NOS1AP: variants seen among roughly 807,000 people sequenced by gnomAD.
NOS1AP encodes carboxyl-terminal PDZ ligand of neuronal nitric oxide synthase protein.
In NOS1AP, 21 loss-of-function variants were observed where a neutral mutation model predicts 56.2. The ratio of observed to expected loss-of-function variants is 0.37; its 90% CI spans 0.26 to 0.54. The LOEUF is 0.54. Among genes scored for constraint, NOS1AP ranks in the 20% least tolerant of loss-of-function variants. NOS1AP has a pLI of 0.84. For missense variants in NOS1AP, 522 were observed against 657.8 expected (o/e 0.79, Z 2.26); for synonymous variants, 270 against 274.6 (o/e 0.98, Z 0.17).
At chr1:162,087,656 T>C (rs1438699542) in intron 1 of NOS1AP, among the ~76,000 whole-genome samples, 1 of 152,186 alleles carries the variant, frequency 6.6e-6, no homozygotes, top group Admixed American at 6.5e-5. Context: ...TCCATGATTC[T>C]ATATTTGATT....
intron 8 of NOS1AP, among the ~76,000 whole-genome samples, chr1:162,362,056 C>A (rs578137572): frequency 3.3e-5 from 5 of 152,328 alleles, no homozygotes; most frequent in Admixed American, 2.6e-4. Flanking sequence ...AGTGAGTTGT[C>A]TACAACTGCC....
chr1:162,254,541 C>G (rs948579024), intron 2 of NOS1AP, among the ~76,000 whole-genome samples: 4 of 152,176 alleles, frequency 2.6e-5, no homozygotes, highest in African/African-American at 9.7e-5. Flanking sequence ...CACCACTTTG[C>G]TGGCAAACAT....
chr1:162,351,895 C>T (rs375858873), intron 6 of NOS1AP, among the ~76,000 whole-genome samples: 3 of 152,224 alleles, frequency 2.0e-5, no homozygotes, highest in East Asian at 1.9e-4. Context: ...CCCTGCCAGC[C>T]CTTCCTGAAG....
At chr1:162,359,690 C>A (rs1346488963) in intron 8 of NOS1AP, among the ~76,000 whole-genome samples, 1 of 151,394 alleles carries the variant, frequency 6.6e-6, no homozygotes, top group Admixed American at 6.6e-5. Flanking sequence ...TTGAAATAGA[C>A]CAAGTATAGC....
intron 2 of NOS1AP, among the ~76,000 whole-genome samples, chr1:162,161,935 A>G (rs1036890490): frequency 6.6e-6 from 1 of 152,184 alleles, no homozygotes; most frequent in Non-Finnish European, 1.5e-5. Context: ...CCTCTAGGGC[A>G]ATTATTATTT....
At position 162,170,916 on chromosome 1, in the gene NOS1AP, G is replaced by T. The variant is rs546570517; in HGVS notation, c.177+16440G>T. ...ATTGTGCCATTGCACTCTAACCTGG[G>T]CAACAAAGAGTGAAACTCCATCTCA... On this transcript the variant is annotated intron_variant, in intron 2 of 9. Coordinates refer to ENST00000361897, the MANE Select transcript of NOS1AP (RefSeq NM_014697.3). 2.7e-5 allele frequency among the ~76,000 whole-genome samples: 4 copies of T among 150,136 alleles called. No homozygotes were observed. The South Asian group carries it at 8.4e-4, about 32-fold the overall frequency.
At chr1:162,244,429 T>C (rs369472157) in intron 2 of NOS1AP, among the ~76,000 whole-genome samples, 2 of 152,226 alleles carry the variant, frequency 1.3e-5, no homozygotes, top group African/African-American at 4.8e-5. Context: ...TTTGAATAAA[T>C]AGCTATATTT....
intron 4 of NOS1AP, among the ~76,000 whole-genome samples, chr1:162,316,073 C>T (rs1275345648): frequency 6.6e-6 from 1 of 152,182 alleles, no homozygotes; most frequent in East Asian, 1.9e-4. Context: ...TACACTCATT[C>T]TGTAGACTTT....
intron 2 of NOS1AP, among the ~76,000 whole-genome samples, chr1:162,221,619 C>T (rs1028706699): frequency 2.6e-5 from 4 of 151,806 alleles, no homozygotes; most frequent in Non-Finnish European, 5.9e-5. Context: ...CTCTATAACT[C>T]ACTAGCTTTT....
chr1:162,116,364 C>T (rs1023958865), intron 1 of NOS1AP, among the ~76,000 whole-genome samples: 3 of 152,152 alleles, frequency 2.0e-5, no homozygotes, highest in Non-Finnish European at 4.4e-5. Context: ...TAATGCCATC[C>T]ATGGGATGTA....
At chr1:162,252,246 C>T (rs1476589061) in intron 2 of NOS1AP, among the ~76,000 whole-genome samples, 1 of 151,964 alleles carries the variant, frequency 6.6e-6, no homozygotes, top group African/African-American at 2.4e-5. Context: ...GAGGTTTCAC[C>T]ATATTTCCTA....
chr1:162,276,234 A>G (rs1473836266), intron 2 of NOS1AP, among the ~76,000 whole-genome samples: 1 of 152,126 alleles, frequency 6.6e-6, no homozygotes, highest in African/African-American at 2.4e-5. Context: ...TTCCTACATA[A>G]ACCATCCTGG....
At chr1:162,268,213 C>G (rs554798706) in intron 2 of NOS1AP, among the ~76,000 whole-genome samples, 1 of 149,756 alleles carries the variant, frequency 6.7e-6, no homozygotes, top group Non-Finnish European at 1.5e-5. Context: ...AAGCCTAGAT[C>G]GTGTCATGCT....
intron 2 of NOS1AP, among the ~76,000 whole-genome samples, chr1:162,183,827 A>G (rs1456478133): frequency 6.6e-6 from 1 of 152,162 alleles, no homozygotes; most frequent in Non-Finnish European, 1.5e-5. Context: ...TGATTTGTCT[A>G]TCTAGACTGT....
intron 2 of NOS1AP, among the ~76,000 whole-genome samples, chr1:162,245,784 A>G (rs1288583058): frequency 4.6e-5 from 7 of 152,384 alleles, no homozygotes; most frequent in Admixed American, 2.6e-4. Context: ...TGGGTGTGTC[A>G]GAATGTCTTT....
rs3923981 is a variant in NOS1AP at position 162,220,346 on chromosome 1, G to A, written c.177+65870G>A. ...GGTGGGTGTCTGCTGTGTGCTATGCGTGGGTCTCGGTTGCTGCCACAGAGA... is the reference window on the plus strand; with the variant it reads ...GGTGGGTGTCTGCTGTGTGCTATGCATGGGTCTCGGTTGCTGCCACAGAGA... On this transcript the variant is annotated intron_variant, in intron 2 of 9. Coordinates refer to ENST00000361897, the MANE Select transcript of NOS1AP (RefSeq NM_014697.3). Among the ~76,000 whole-genome samples, 162 of 152,174 alleles carry A rather than the reference G, an allele frequency of 1.1e-3. 2 individuals are homozygous for A. In the Middle Eastern group the frequency reaches 0.02, roughly 19 times the overall value.
chr1:162,084,332 G>A (rs1691958301), intron 1 of NOS1AP, among the ~76,000 whole-genome samples: 2 of 152,126 alleles, frequency 1.3e-5, no homozygotes, highest in African/African-American at 4.8e-5. Context: ...CTACTCTCAG[G>A]TGGTGGTAGA....
chr1:162,091,799 G>A (rs1190161803), intron 1 of NOS1AP, among the ~76,000 whole-genome samples: 2 of 152,162 alleles, frequency 1.3e-5, no homozygotes, highest in African/African-American at 4.8e-5. Flanking sequence ...AGGAGCATGT[G>A]GAGTGCTGTG....
intron 1 of NOS1AP, among the ~76,000 whole-genome samples, chr1:162,145,717 G>A (rs1649434857): frequency 6.6e-6 from 1 of 152,150 alleles, no homozygotes; most frequent in Admixed American, 6.5e-5. Context: ...CAGAGGATAG[G>A]TTCAGGGACT....
Sources: gnomAD v4.1 joint callset for allele counts (sites outside exome capture counted in the v4.1 genomes callset) on GRCh38, gnomAD v4.1.1 for gene constraint, MANE v1.5 for transcripts, NCBI Gene and HGNC (gene_info 2026-07-23, HGNC 2026-07-21) for gene names.